The following NRG3 variants were observed in gnomAD, a reference collection of about 807,000 sequenced individuals.
The protein encoded by NRG3 is neuregulin 3, also known as pro-neuregulin-3, membrane-bound isoform.
A neutral mutation model predicts 66.9 loss-of-function variants in NRG3; 31 were observed. That is an observed-to-expected ratio of 0.46 (90% CI 0.35 to 0.63). The LOEUF (loss-of-function observed/expected upper bound fraction) is 0.63, where lower values mean the gene tolerates loss of function less well. NRG3 is among the 20% of genes least tolerant of loss of function. NRG3 has a pLI of 0.00. For missense variants in NRG3, 910 were observed against 878.9 expected, an observed-to-expected ratio of 1.04 and a Z score of -0.45; for synonymous variants, 393 against 359.4, an observed-to-expected ratio of 1.09 and a Z score of -1.06.
chr10:82,685,700 A>G (rs1405589391), intron 2 of NRG3, among the ~76,000 whole-genome samples: 1 of 152,152 alleles, frequency 6.6e-6, no homozygotes, highest in Non-Finnish European at 1.5e-5. Flanking sequence ...TAAAATACAC[A>G]TTGTACAGCC....
intron 1 of NRG3, among the ~76,000 whole-genome samples, chr10:82,096,635 A>G (rs756177181): frequency 1.4e-4 from 22 of 152,190 alleles, no homozygotes; most frequent in Non-Finnish European, 2.6e-4. Context: ...AGATAATACA[A>G]TCTCAAAATG....
At chr10:82,559,462 A>G (rs1000836457) in intron 2 of NRG3, among the ~76,000 whole-genome samples, 17 of 152,228 alleles carry the variant, frequency 1.1e-4, no homozygotes, top group African/African-American at 3.9e-4. Context: ...TACAACTTGA[A>G]GGAATGGGCC....
intron 3 of NRG3, among the ~76,000 whole-genome samples, chr10:82,844,248 T>G (rs772042706): frequency 6.6e-6 from 1 of 152,214 alleles, no homozygotes; most frequent in Non-Finnish European, 1.5e-5. Context: ...TGTCTCTTTC[T>G]AATTAAATCC....
Position 81,875,404 on chromosome 10 carries a change from G to C in NRG3, c.64G>C (p.Glu22Gln). Residue 22 changes from glutamate to glutamine, a missense_variant, in exon 1 of 9, where the codon GAG (glutamate) becomes CAG (glutamine). Physicochemically the swap from Glu to Gln is conservative, Grantham distance 29 (BLOSUM62 2). Transcript: ENST00000372141. This position sits in a 1 kb window ranked among gnomAD's most constrained non-coding sequence, Gnocchi z 5.3. ...CGCTTCGGCAGCCGCCGCCTCGGCC[G>C]AGGAGGGCACCGCGGCGGCTGCGGC... ...GAASAAAASA[E>Q]EGTAAAAAAA... The C allele has an allele frequency of 9.8e-7, 1 of 1,016,680 alleles. No individual in the cohort carries two copies. The highest frequency in any genetic ancestry group is 9.8e-5 in the East Asian group (1 of 10,182). The allele number at this position is 1,016,680 out of a possible 1,614,324, so 63.0% of individuals were successfully genotyped here.
intron 2 of NRG3, among the ~76,000 whole-genome samples, chr10:82,510,115 C>T (rs1845038488): frequency 6.6e-6 from 1 of 152,058 alleles, no homozygotes; most frequent in African/African-American, 2.4e-5. Context: ...TTTATTTATA[C>T]CAAACTCCTC....
At chr10:82,891,290 T>G (rs1057018827) in intron 4 of NRG3, among the ~76,000 whole-genome samples, 8 of 151,934 alleles carry the variant, frequency 5.3e-5, no homozygotes, top group African/African-American at 1.7e-4. Flanking sequence ...TTTCTGTGCA[T>G]GGACATTGTC....
At chr10:82,498,991 G>A (rs1385776325) in intron 2 of NRG3, among the ~76,000 whole-genome samples, 2 of 152,052 alleles carry the variant, frequency 1.3e-5, no homozygotes, top group Non-Finnish European at 2.9e-5. Flanking sequence ...CATGATGAAA[G>A]CATTGACCAA....
intron 2 of NRG3, among the ~76,000 whole-genome samples, chr10:82,417,663 G>A (rs2088679541): frequency 6.6e-6 from 1 of 152,174 alleles, no homozygotes; most frequent in Non-Finnish European, 1.5e-5. Context: ...TGAGGCACGG[G>A]GCGGTGAAGT....
At chr10:82,692,124 G>A (rs557909260) in intron 2 of NRG3, among the ~76,000 whole-genome samples, 1 of 152,138 alleles carries the variant, frequency 6.6e-6, no homozygotes, top group South Asian at 2.1e-4. Flanking sequence ...CGTGGTGGCA[G>A]AGCCTGTAAT....
At chr10:82,003,450 G>A (rs2061251032) in intron 1 of NRG3, among the ~76,000 whole-genome samples, 1 of 152,152 alleles carries the variant, frequency 6.6e-6, no homozygotes, top group African/African-American at 2.4e-5. Flanking sequence ...CCAGGACTGA[G>A]CCCAGAGATT....
chr10:82,602,196 C>A (rs539809326), intron 2 of NRG3, among the ~76,000 whole-genome samples: 1 of 151,768 alleles, frequency 6.6e-6, no homozygotes, highest in Non-Finnish European at 1.5e-5. Flanking sequence ...GTCGACTATC[C>A]GTTTTTTGAA....
chr10:82,485,745 A>T (rs1228861163), intron 2 of NRG3, among the ~76,000 whole-genome samples: 1 of 152,004 alleles, frequency 6.6e-6, no homozygotes, highest in South Asian at 2.1e-4. Context: ...ATAGACATTT[A>T]TAGTCTGAGT....
At chr10:82,047,440 A>G (rs2133085711) in intron 1 of NRG3, among the ~76,000 whole-genome samples, 2 of 152,274 alleles carry the variant, frequency 1.3e-5, no homozygotes, top group South Asian at 4.1e-4. Context: ...AGTGGGGGAC[A>G]ATATTCAACA....
chr10:82,879,924 T>C (rs1019546333), intron 4 of NRG3, among the ~76,000 whole-genome samples: 2 of 151,568 alleles, frequency 1.3e-5, no homozygotes, highest in Non-Finnish European at 2.9e-5. Flanking sequence ...CCTGTCTTCA[T>C]GTTGCATTCA....
intron 2 of NRG3, among the ~76,000 whole-genome samples, chr10:82,426,808 A>G (rs2089479356): frequency 6.6e-6 from 1 of 151,550 alleles, no homozygotes; most frequent in Admixed American, 6.6e-5. Context: ...TAATTTTTGT[A>G]ATTTTTAATT....
intron 4 of NRG3, among the ~76,000 whole-genome samples, chr10:82,866,416 G>T (rs1331261736): frequency 6.6e-6 from 1 of 152,162 alleles, no homozygotes; most frequent in African/African-American, 2.4e-5. Context: ...CGTTAAGTTG[G>T]TGGTTGTATT....
chr10:82,026,685 CTGTT>C (rs976077962), intron 1 of NRG3, among the ~76,000 whole-genome samples: 43 of 151,426 alleles, frequency 2.8e-4, no homozygotes, highest in East Asian at 2.3e-3. Context: ...GTCTGTTTGT[CTGTT>C]TGTTTGTTTG....
At chr10:82,456,946 T>C (rs1284006371) in intron 2 of NRG3, among the ~76,000 whole-genome samples, 1 of 152,102 alleles carries the variant, frequency 6.6e-6, no homozygotes, top group Non-Finnish European at 1.5e-5. Flanking sequence ...GATGCTTCCA[T>C]ACTACGGAAT....
chr10:82,902,898 A>C (rs1362114054), intron 4 of NRG3, among the ~76,000 whole-genome samples: 2 of 152,062 alleles, frequency 1.3e-5, no homozygotes, highest in Non-Finnish European at 2.9e-5. Flanking sequence ...ATATTGGAAA[A>C]TATTTTTTGG....
Sources: gnomAD v4.1 joint callset for allele counts (sites outside exome capture counted in the v4.1 genomes callset) on GRCh38, gnomAD v4.1.1 for gene constraint, Gnocchi (gnomAD v3.1) non-coding constraint, MANE v1.5 for transcripts, NCBI Gene and HGNC (gene_info 2026-07-23, HGNC 2026-07-21) for gene names.